ENPEP: variants seen among roughly 807,000 people sequenced by gnomAD.
The protein encoded by ENPEP is AP-A.
A neutral mutation model predicts 114.5 loss-of-function variants in ENPEP; 103 were observed. The ratio of observed to expected loss-of-function variants is 0.90; its 90% CI spans 0.77 to 1.06. The LOEUF (loss-of-function observed/expected upper bound fraction) is 1.06. ENPEP is among the 50% of genes least tolerant of loss of function. The probability of loss-of-function intolerance (pLI) is 0.00; values close to 1 mark genes in which losing one functional copy is unlikely to be tolerated. For synonymous variants in ENPEP, 420 were observed against 422.0 expected (o/e 1.00, Z 0.06); for missense variants, 1,196 against 1,161.3 (o/e 1.03, Z -0.43).
At chr4:110,516,339 A>G (rs1204395571) in intron 8 of ENPEP, among the ~76,000 whole-genome samples, 3 of 152,046 alleles carry the variant, frequency 2.0e-5, no homozygotes, top group Non-Finnish European at 4.4e-5. Flanking sequence ...CAATCGTCCC[A>G]GGTTTGTTTT....
At chr4:110,515,352 A>C in intron 7 of ENPEP, 25 bp from the exon 8 acceptor site, 1 of 1,589,314 alleles carries the variant, frequency 6.3e-7, no homozygotes, top group South Asian at 1.1e-5. Flanking sequence ...TATTAGTTTC[A>C]TTTGTCTTTT....
chr4:110,515,493 G>T, intron 8 of ENPEP, 51 bp downstream of exon 8: 1 of 1,388,070 alleles, frequency 7.2e-7, no homozygotes, highest in Non-Finnish European at 1.0e-6. Context: ...ATTGATATGT[G>T]GCTGGTGAAT....
intron 13 of ENPEP, among the ~76,000 whole-genome samples, chr4:110,544,107 C>T (rs1381562999): frequency 6.6e-6 from 1 of 151,994 alleles, no homozygotes; most frequent in African/African-American, 2.4e-5. Context: ...AAAACCTTGA[C>T]ATATTTCAAG....
Position 110,549,329 on chromosome 4 carries a change from T to C in ENPEP, c.2152-17T>C. 1 of 1,601,030 alleles carries C rather than the reference T, an allele frequency of 6.2e-7. No individual in the cohort carries two copies. Among genetic ancestry groups the C allele is most frequent in the Non-Finnish European group, 8.6e-7 (1 of 1,168,542 alleles). On this transcript the variant is annotated splice_polypyrimidine_tract_variant and intron_variant, in intron 14 of 19. Transcript: ENST00000265162. ...GTAGTAAATTGTTACTTATTGTACATAATACTTTTATTTCAGGAATACTTC... is the reference window on the plus strand; with the variant it reads ...GTAGTAAATTGTTACTTATTGTACACAATACTTTTATTTCAGGAATACTTC...
rs911065432 is a variant in ENPEP at position 110,506,565 on chromosome 4, A to G, written c.919-72A>G. 13 of 1,485,118 alleles carry G rather than the reference A, an allele frequency of 8.8e-6. No homozygotes were observed. The African/African-American group carries it at 1.4e-4, about 16-fold the overall frequency. 92.0% of individuals were successfully genotyped at this position (1,485,118 alleles called of 1,614,324 possible). On this transcript the variant is annotated intron_variant, in intron 3 of 19. Transcript: ENST00000265162. The stretch of plus-strand genomic sequence containing the variant: ...AAGCCCACTTTCTTTCAAGTATGTT[A>G]TGCATCACAGTTTTTGTATTTTGTT...
intron 13 of ENPEP, among the ~76,000 whole-genome samples, chr4:110,545,982 G>C (rs923663371): frequency 1.3e-5 from 2 of 152,006 alleles, no homozygotes; most frequent in Non-Finnish European, 2.9e-5. Flanking sequence ...AGGAGACACA[G>C]GTAAACCTCT....
chr4:110,550,524 A>G (rs982734996), intron 17 of ENPEP, among the ~76,000 whole-genome samples: 14 of 152,102 alleles, frequency 9.2e-5, no homozygotes, highest in Non-Finnish European at 8.8e-5. Flanking sequence ...GTAGAGAAAG[A>G]GGAGTGTCTG....
chr4:110,554,614 T>C (rs1233965661), intron 18 of ENPEP, among the ~76,000 whole-genome samples: 1 of 152,040 alleles, frequency 6.6e-6, no homozygotes, highest in Non-Finnish European at 1.5e-5. Flanking sequence ...AAATGCTTAA[T>C]TTAGAATGAA....
chr4:110,538,600 G>A (rs72666202), intron 11 of ENPEP, among the ~76,000 whole-genome samples: 9,784 of 152,262 alleles, frequency 0.064, 354 homozygotes, highest in Middle Eastern at 0.17. Context: ...GTTCACTGGA[G>A]TAGGACTTTT....
At chr4:110,479,443 G>T (rs1339857033) in intron 1 of ENPEP, among the ~76,000 whole-genome samples, 1 of 151,920 alleles carries the variant, frequency 6.6e-6, no homozygotes, top group Admixed American at 6.6e-5. Context: ...TAGAAGATGG[G>T]CCAAAACTAC....
intron 10 of ENPEP, among the ~76,000 whole-genome samples, chr4:110,527,581 A>C (rs962584362): frequency 3.9e-5 from 6 of 152,190 alleles, no homozygotes. Flanking sequence ...ATTGAAACAT[A>C]GATCTGACTT....
intron 11 of ENPEP, among the ~76,000 whole-genome samples, chr4:110,531,697 G>A (rs1726411778): frequency 6.6e-6 from 1 of 151,386 alleles, no homozygotes; most frequent in African/African-American, 2.4e-5. Flanking sequence ...ATATATTTGT[G>A]TTCTATCTGC....
Position 110,520,496 on chromosome 4 carries a change from G to A in ENPEP, c.1727+130G>A. The A allele has an allele frequency of 6.3e-6, 6 of 955,476 alleles. No individual in the cohort carries two copies. In the South Asian group the frequency reaches 8.9e-5, roughly 14 times the overall value. The allele number at this position is 955,476 out of a possible 1,614,324, so 59.2% of individuals were successfully genotyped here. A position where few individuals can be genotyped will look rare whatever the true frequency, so the allele number is the denominator to read the frequency against. ...GTATAAAGCCACAGTGCCTTTAGGGGAACAAGGAATTCAAAAATAGCCAAG... is the reference window on the plus strand; with the variant it reads ...GTATAAAGCCACAGTGCCTTTAGGGAAACAAGGAATTCAAAAATAGCCAAG... On this transcript the variant is annotated intron_variant, in intron 10 of 19. Transcript: ENST00000265162.
chr4:110,487,503 C>T (rs1241573648), intron 1 of ENPEP, among the ~76,000 whole-genome samples: 1 of 152,168 alleles, frequency 6.6e-6, no homozygotes, highest in Non-Finnish European at 1.5e-5. Context: ...CAAATGTGTG[C>T]ATGCATGCAT....
chr4:110,488,831 A>T (rs1333223933), intron 2 of ENPEP, 149 bp downstream of exon 2: 47 of 1,155,696 alleles, frequency 4.1e-5, no homozygotes, highest in Non-Finnish European at 5.3e-5. Context: ...ACATTTTGGC[A>T]ATCTTTTTCT....
At chr4:110,511,452 A>G (rs1022612572) in intron 6 of ENPEP, among the ~76,000 whole-genome samples, 5 of 152,136 alleles carry the variant, frequency 3.3e-5, no homozygotes, top group African/African-American at 1.2e-4. Context: ...CTCGTGGGGG[A>G]CAAAAATCTC....
At chr4:110,522,858 T>C (rs1726054214) in intron 10 of ENPEP, among the ~76,000 whole-genome samples, 1 of 152,186 alleles carries the variant, frequency 6.6e-6, no homozygotes, top group South Asian at 2.1e-4. Flanking sequence ...TAACACTTTT[T>C]TGAAAGTTAC....
At position 110,543,049 on chromosome 4, in the gene ENPEP, A is replaced by G. The variant is rs781046634; in HGVS notation, c.1979A>G (p.Asp660Gly). ...FSSADRASLI[D>G]DAFALARAQL... Reference sequence around the variant, plus strand: ...TCAGCAGATCGTGCAAGTCTTATTGATGATGCTTTTGCCTTGGCAAGGTGC... The same window carrying G: ...TCAGCAGATCGTGCAAGTCTTATTGGTGATGCTTTTGCCTTGGCAAGGTGC... Residue 660 changes from aspartate (D) to glycine (G), a missense_variant, in exon 13 of 20, where the codon GAT (aspartate) becomes GGT (glycine). Coordinates refer to ENST00000265162, the MANE Select transcript of ENPEP (RefSeq NM_001977.4). 3 of 1,613,132 alleles carry G rather than the reference A, an allele frequency of 1.9e-6. No homozygotes were observed. In the Admixed American group the frequency reaches 5.0e-5, roughly 27 times the overall value.
intron 13 of ENPEP, among the ~76,000 whole-genome samples, chr4:110,546,267 C>T (rs1309575924): frequency 1.3e-5 from 2 of 151,972 alleles, no homozygotes; most frequent in African/African-American, 2.4e-5. Flanking sequence ...GAGCATAGGA[C>T]TTAGTCTTGG....
Sources: allele counts gnomAD v4.1 joint callset (sites outside exome capture counted in the v4.1 genomes callset), GRCh38; gene constraint gnomAD v4.1.1; transcripts MANE v1.5; gene names NCBI Gene and HGNC (gene_info 2026-07-23, HGNC 2026-07-21).